Variants in EFNA5 observed in about 807,000 individuals in gnomAD.
EFNA5 encodes ephrin A5.
A neutral mutation model predicts 22.9 loss-of-function variants in EFNA5; 5 were observed. The ratio of observed to expected loss-of-function variants is 0.22; its 90% confidence interval spans 0.11 to 0.46. The LOEUF is 0.46. Among genes scored for constraint, EFNA5 ranks in the 20% least tolerant of loss-of-function variants. The pLI is 0.99. For synonymous variants in EFNA5, 113 were observed against 112.2 expected, an observed-to-expected ratio of 1.01 and a Z score of -0.04; for missense variants, 237 against 293.3, an observed-to-expected ratio of 0.81 and a Z score of 1.40.
At chr5:107,437,326 T>G (rs749532583) in intron 1 of EFNA5, among the ~76,000 whole-genome samples, 1 of 152,222 alleles carries the variant, frequency 6.6e-6, no homozygotes, top group Non-Finnish European at 1.5e-5. Flanking sequence ...TGTGGCTGTT[T>G]CTATGGAAAT....
At chr5:107,460,557 G>T (rs1580466359) in intron 1 of EFNA5, among the ~76,000 whole-genome samples, 1 of 152,108 alleles carries the variant, frequency 6.6e-6, no homozygotes, top group Non-Finnish European at 1.5e-5. Context: ...TCTTAAGGAA[G>T]GTATCAGCTG....
chr5:107,659,853 C>G (rs1431590526), intron 1 of EFNA5, among the ~76,000 whole-genome samples: 5 of 151,916 alleles, frequency 3.3e-5, no homozygotes, highest in Admixed American at 2.6e-4. Context: ...ATAGGGAGAC[C>G]CTTCCTAACA....
At chr5:107,621,526 G>C (rs145711277) in intron 1 of EFNA5, among the ~76,000 whole-genome samples, 40 of 152,256 alleles carry the variant, frequency 2.6e-4, no homozygotes, top group Non-Finnish European at 5.0e-4. Flanking sequence ...TTATATGAGG[G>C]AAGCCATGGA....
rs756911153 is a variant in EFNA5, at chr5:107,427,522, G to T, written c.126-13C>A. The T allele has an allele frequency of 1.2e-5, 19 of 1,533,148 alleles. No homozygotes were observed. The South Asian group carries it at 1.9e-4, about 15-fold the overall frequency. 95.0% of individuals were successfully genotyped at this position (1,533,148 alleles called of 1,614,324 possible). A position where few individuals can be genotyped will look rare whatever the true frequency, so the allele number is the denominator to read the frequency against. The stretch of plus-strand genomic sequence containing the variant: ...ACCCCTCTGGAATCTGTTAGAAAAA[G>T]AAAAAAAAATGTGATAATTCATAGA... On this transcript the variant is annotated splice_polypyrimidine_tract_variant and intron_variant, in intron 1 of 4. Coordinates refer to ENST00000333274, the MANE Select transcript of EFNA5 (RefSeq NM_001962.3).
At chr5:107,504,348 A>G (rs1470731127) in intron 1 of EFNA5, among the ~76,000 whole-genome samples, 1 of 152,168 alleles carries the variant, frequency 6.6e-6, no homozygotes, top group Non-Finnish European at 1.5e-5. Context: ...TAAGTAAAGC[A>G]AAATGTGTCC....
At chr5:107,476,057 T>TATATATATATATATATATATGTATA in intron 1 of EFNA5, among the ~76,000 whole-genome samples, 4 of 100,422 alleles carry the variant, frequency 4.0e-5, no homozygotes, top group Admixed American at 1.1e-4. Context: ...TATATATATA[T>TATATATATATATATATATATGTATA]TTTTTTTTTT....
chr5:107,557,748 T>C (rs1748455440), intron 1 of EFNA5, among the ~76,000 whole-genome samples: 1 of 152,172 alleles, frequency 6.6e-6, no homozygotes, highest in African/African-American at 2.4e-5. Flanking sequence ...AGAGACAAAA[T>C]AGCTTGTATA....
intron 1 of EFNA5, among the ~76,000 whole-genome samples, chr5:107,568,054 GC>G (rs1298453454): frequency 5.3e-5 from 8 of 152,008 alleles, no homozygotes; most frequent in African/African-American, 1.9e-4. Context: ...ATGCCACCAT[GC>G]CCAGCTCGTT....
At chr5:107,569,576 T>TATAA (rs1748749154) in intron 1 of EFNA5, among the ~76,000 whole-genome samples, 3 of 25,280 alleles carry the variant, frequency 1.2e-4, no homozygotes, top group Non-Finnish European at 3.7e-4. Flanking sequence ...TATATATATA[T>TATAA]ATATATATAT....
At chr5:107,466,903 A>G (rs1750002542) in intron 1 of EFNA5, among the ~76,000 whole-genome samples, 1 of 152,154 alleles carries the variant, frequency 6.6e-6, no homozygotes, top group Non-Finnish European at 1.5e-5. Context: ...CGAAGAAGAG[A>G]TAACAATCCT....
At chr5:107,487,922 T>C (rs1280132991) in intron 1 of EFNA5, among the ~76,000 whole-genome samples, 1 of 152,218 alleles carries the variant, frequency 6.6e-6, no homozygotes, top group East Asian at 1.9e-4. Context: ...AGCAGACTAC[T>C]GTATTATATC....
chr5:107,411,129 A>C (rs1347243479), intron 2 of EFNA5, among the ~76,000 whole-genome samples: 1 of 152,214 alleles, frequency 6.6e-6, no homozygotes, highest in East Asian at 1.9e-4. Context: ...AATACTGTAC[A>C]ACACACTAGA....
chr5:107,566,672 C>A (rs1748672403), intron 1 of EFNA5, among the ~76,000 whole-genome samples: 1 of 152,188 alleles, frequency 6.6e-6, no homozygotes, highest in African/African-American at 2.4e-5. Flanking sequence ...AAAAAAGACT[C>A]CTGGCTTCCT....
At chr5:107,557,850 AT>A (rs1369022396) in intron 1 of EFNA5, among the ~76,000 whole-genome samples, 1 of 152,342 alleles carries the variant, frequency 6.6e-6, no homozygotes, top group East Asian at 1.9e-4. Flanking sequence ...GATGTAAATA[AT>A]GAAGCAGTCA....
intron 1 of EFNA5, among the ~76,000 whole-genome samples, chr5:107,604,424 C>T (rs1021853192): frequency 1.3e-5 from 2 of 152,080 alleles, no homozygotes; most frequent in African/African-American, 4.8e-5. Context: ...TCATGTCTTA[C>T]TTCTCAACAG....
chr5:107,521,370 G>C (rs191215780), intron 1 of EFNA5, among the ~76,000 whole-genome samples: 133 of 151,564 alleles, frequency 8.8e-4, no homozygotes, highest in African/African-American at 3.0e-3. Flanking sequence ...GCTCACTGCA[G>C]CCTTGACCTC....
At chr5:107,610,687 A>G (rs1198271078) in intron 1 of EFNA5, among the ~76,000 whole-genome samples, 2 of 152,200 alleles carry the variant, frequency 1.3e-5, no homozygotes, top group Admixed American at 6.5e-5. Context: ...ACAGTGTCAA[A>G]GTCCCCAGTT....
chr5:107,395,567 T>C lies in EFNA5; in HGVS notation c.419-7796A>G, dbSNP rs965655757. On this transcript the variant is annotated intron_variant, in intron 2 of 4. Coordinates refer to ENST00000333274, the MANE Select transcript of EFNA5 (RefSeq NM_001962.3). Reference sequence around the variant, plus strand: ...TACTATTTTTAAAAATCAATGAACATCTTTGAACAGTTAAGAAAAAGTTTT... The same window carrying C: ...TACTATTTTTAAAAATCAATGAACACCTTTGAACAGTTAAGAAAAAGTTTT... Among the ~76,000 whole-genome samples, 3 of 152,220 alleles carry C rather than the reference T, an allele frequency of 2.0e-5. No homozygotes were observed. The East Asian group carries it at 5.8e-4, about 29-fold the overall frequency.
chr5:107,406,527 G>C (rs975167446), intron 2 of EFNA5, among the ~76,000 whole-genome samples: 1 of 151,716 alleles, frequency 6.6e-6, no homozygotes, highest in African/African-American at 2.4e-5. Flanking sequence ...TATTAGAAAG[G>C]CCTTTCCTGA....
Sources: gnomAD v4.1 joint callset for allele counts (sites outside exome capture counted in the v4.1 genomes callset) on GRCh38, gnomAD v4.1.1 for gene constraint, MANE v1.5 for transcripts, NCBI Gene and HGNC (gene_info 2026-07-23, HGNC 2026-07-21) for gene names.